MAOB: variants seen among roughly 807,000 people sequenced by gnomAD.
The protein encoded by MAOB is monoamine oxidase B.
A neutral mutation model predicts 41.9 loss-of-function variants in MAOB; 15 were observed. The observed-to-expected ratio is 0.36, with a 90% CI of 0.24 to 0.55. MAOB has a LOEUF of 0.55. Ranked by LOEUF, MAOB falls within the 20% of genes least tolerant of loss-of-function variation. The pLI is 0.86. For synonymous variants in MAOB, 167 were observed against 144.2 expected (o/e 1.16, Z -1.13); for missense variants, 345 against 398.7 (o/e 0.87, Z 1.15).
At chrX:43,827,430 C>G (rs1315492090) in intron 3 of MAOB, among the ~76,000 whole-genome samples, 1 of 111,579 alleles carries the variant, frequency 9.0e-6, no homozygotes, top group African/African-American at 3.3e-5. Context: ...TTGGCTGGCA[C>G]AGGGGACCAG....
At chrX:43,846,204 C>T (rs142263147) in intron 1 of MAOB, among the ~76,000 whole-genome samples, 9 of 112,260 alleles carry the variant, frequency 8.0e-5, no homozygotes, top group Middle Eastern at 4.6e-3. Flanking sequence ...TTAGATAAAC[C>T]GCTTGAGCAT....
intron 2 of MAOB, among the ~76,000 whole-genome samples, chrX:43,839,868 A>T (rs964285475): frequency 8.9e-6 from 1 of 112,238 alleles, no homozygotes; most frequent in East Asian, 2.8e-4. Flanking sequence ...GTATTTTTCA[A>T]GGAATATGAA....
rs771388112 is a variant in MAOB, at chrX:43,769,948, CACTTGCCTGT to C, written c.1236-540_1236-531del. On this transcript the variant is annotated intron_variant, in intron 12 of 14. Transcript: ENST00000378069. ...GGCTCCATAACTCCTATTCCTTGAA[CACTTGCCTGT>C]ACTGGTGAGGTCGGTACTATTATTA... Among the ~76,000 whole-genome samples, 548 of 111,841 alleles carry C rather than the reference CACTTGCCTGT, an allele frequency of 4.9e-3. 4 individuals are homozygous for C. Among genetic ancestry groups the C allele is most frequent in the African/African-American group, 0.017 (511 of 30,784 alleles).
intron 3 of MAOB, among the ~76,000 whole-genome samples, chrX:43,835,192 G>A (rs759396358): frequency 1.7e-3 from 193 of 112,198 alleles, no homozygotes; most frequent in Non-Finnish European, 3.1e-3. Flanking sequence ...AATATAGCAG[G>A]ATTCCTTAAG....
intron 13 of MAOB, 89 bp downstream of exon 13, chrX:43,769,218 G>C: frequency 9.5e-7 from 1 of 1,054,707 alleles, no homozygotes; most frequent in Non-Finnish European, 1.2e-6. Flanking sequence ...TTACTGGAGA[G>C]TTGGTCTCCA....
intron 3 of MAOB, among the ~76,000 whole-genome samples, chrX:43,813,701 C>A (rs369971826): frequency 1.8e-5 from 2 of 111,768 alleles, no homozygotes; most frequent in East Asian, 2.8e-4. Flanking sequence ...GCTGTCACAT[C>A]AGTTCATTCA....
chrX:43,881,951 C>T (rs2035476155), intron 1 of MAOB, among the ~76,000 whole-genome samples: 1 of 112,323 alleles, frequency 8.9e-6, no homozygotes, highest in Non-Finnish European at 1.9e-5. Flanking sequence ...CCCCTTTTCC[C>T]TGGCTTCGAA....
Position 43,789,197 on chromosome X carries a change from G to A in MAOB, c.928+4222C>T, listed in dbSNP as rs922849658. Among the ~76,000 whole-genome samples, 6 of 112,252 alleles carry A rather than the reference G, an allele frequency of 5.3e-5. No individual in the cohort carries two copies. In the East Asian group the frequency reaches 8.3e-4, roughly 16 times the overall value. On this transcript the variant is annotated intron_variant, in intron 8 of 14. Coordinates refer to ENST00000378069, the MANE Select transcript of MAOB (RefSeq NM_000898.5). ...AATTTTCTACTTCAGACATCATGTC[G>A]ATGCTTCAAAAGTTTCAGAATTTGG...
In MAOB at chrX:43,781,586, T is replaced by C. The variant is rs374774260; in HGVS notation, c.929-42A>G. ...ATGGAAGAGCATATTCATCACTCTA[T>C]CAAAATATCCATTACAGATATAATG... On this transcript the variant is annotated intron_variant, in intron 8 of 14. Coordinates refer to ENST00000378069, the MANE Select transcript of MAOB (RefSeq NM_000898.5). 6.3e-5 allele frequency: 46 copies of C among 732,142 alleles called. No individual in the cohort carries two copies. In the Middle Eastern group the frequency reaches 1.8e-3, roughly 29 times the overall value. The allele number at this position is 732,142 out of a possible 1,213,427, so 60.3% of individuals were successfully genotyped here. A position where few individuals can be genotyped will look rare whatever the true frequency, so the allele number is the denominator to read the frequency against.
At chrX:43,835,772 C>A (rs2035065698) in intron 3 of MAOB, among the ~76,000 whole-genome samples, 1 of 111,855 alleles carries the variant, frequency 8.9e-6, no homozygotes, top group Non-Finnish European at 1.9e-5. Context: ...TGAGGAAACA[C>A]ACTCTTTCAT....
chrX:43,857,112 TATATAGAGAG>T (rs1292129614), intron 1 of MAOB, among the ~76,000 whole-genome samples: 46 of 14,969 alleles, frequency 3.1e-3, no homozygotes, highest in Middle Eastern at 0.037. Context: ...TATATATATA[TATATAGAGAG>T]AGAGAGAGAG....
intron 6 of MAOB, 100 bp downstream of exon 6, chrX:43,797,025 A>G: frequency 1.1e-6 from 1 of 916,541 alleles, no homozygotes; most frequent in East Asian, 3.2e-5. Context: ...AAAAGCCACA[A>G]GCCTGCTTCC....
intron 1 of MAOB, among the ~76,000 whole-genome samples, chrX:43,845,453 C>G (rs2035189211): frequency 8.9e-6 from 1 of 112,251 alleles, no homozygotes. Context: ...TAAATTAATT[C>G]AATGAACTTC....
chrX:43,785,361 T>C (rs1228601608), intron 8 of MAOB, among the ~76,000 whole-genome samples: 1 of 112,218 alleles, frequency 8.9e-6, no homozygotes, highest in Non-Finnish European at 1.9e-5. Context: ...TCAACTTCAA[T>C]TGAAGAGAGT....
In MAOB at chrX:43,778,952, G is replaced by A. The variant is rs899275718; in HGVS notation, c.1080-213C>T. Among the ~76,000 whole-genome samples the A allele has an allele frequency of 3.6e-5, 4 of 111,683 alleles. No individual in the cohort carries two copies. The South Asian group carries it at 1.5e-3, about 42-fold the overall frequency. ...CAAATATTAATCACACAGGATTGCTGGTAAGTCTTTAAGAAAGTAAAGTGA... is the reference window on the plus strand; with the variant it reads ...CAAATATTAATCACACAGGATTGCTAGTAAGTCTTTAAGAAAGTAAAGTGA... On this transcript the variant is annotated intron_variant, in intron 10 of 14. Transcript: ENST00000378069.
intron 2 of MAOB, among the ~76,000 whole-genome samples, chrX:43,842,829 T>A (rs1379286496): frequency 9.0e-6 from 1 of 111,433 alleles, no homozygotes; most frequent in Admixed American, 9.6e-5. Flanking sequence ...ACAGAAAGAC[T>A]TATAAGTGGA....
intron 1 of MAOB, among the ~76,000 whole-genome samples, chrX:43,865,824 T>G (rs1309203001): frequency 9.4e-6 from 1 of 106,637 alleles, no homozygotes; most frequent in East Asian, 2.9e-4. Context: ...GCTAAGGTAG[T>G]TCACACAGGT....
At chrX:43,814,566 A>T (rs2034785501) in intron 3 of MAOB, among the ~76,000 whole-genome samples, 1 of 112,095 alleles carries the variant, frequency 8.9e-6, no homozygotes, top group Non-Finnish European at 1.9e-5. Flanking sequence ...TCTTGATAGT[A>T]CTGTATTCTC....
chrX:43,843,013 A>G, intron 2 of MAOB, among the ~76,000 whole-genome samples: 1 of 111,300 alleles, frequency 9.0e-6, no homozygotes, highest in Non-Finnish European at 1.9e-5. Flanking sequence ...TAACTGTAGT[A>G]ATAATAATGT....
Sources: gnomAD v4.1 joint callset for allele counts (sites outside exome capture counted in the v4.1 genomes callset) on GRCh38, gnomAD v4.1.1 for gene constraint, MANE v1.5 for transcripts, NCBI Gene and HGNC (gene_info 2026-07-23, HGNC 2026-07-21) for gene names.